Variants in CNTNAP2 observed in about 807,000 individuals in gnomAD.
The protein encoded by CNTNAP2 is contactin-associated protein-like 2.
CNTNAP2 carries 98 observed loss-of-function variants against 155.2 expected under a neutral mutation model. The ratio of observed to expected loss-of-function variants is 0.63; its 90% CI spans 0.54 to 0.75. The LOEUF is 0.75. CNTNAP2 is among the 30% of genes least tolerant of loss of function. The probability of loss-of-function intolerance (pLI) is 0.00; values close to 1 mark genes in which losing one functional copy is unlikely to be tolerated. For synonymous variants in CNTNAP2, 651 were observed against 631.2 expected (o/e 1.03, Z -0.47); for missense variants, 1,727 against 1,688.1 (o/e 1.02, Z -0.40).
At chr7:146,819,740 T>G (rs1205241729) in intron 2 of CNTNAP2, among the ~76,000 whole-genome samples, 1 of 152,060 alleles carries the variant, frequency 6.6e-6, no homozygotes, top group Non-Finnish European at 1.5e-5. Flanking sequence ...TCTCTAATCG[T>G]TTTTTTCCGT....
intron 13 of CNTNAP2, among the ~76,000 whole-genome samples, chr7:147,659,329 T>G (rs1292573292): frequency 1.3e-5 from 2 of 152,242 alleles, no homozygotes; most frequent in African/African-American, 2.4e-5. Context: ...TTGGTAGCTT[T>G]TATAGATATT....
At chr7:146,423,706 T>A (rs1796046778) in intron 1 of CNTNAP2, among the ~76,000 whole-genome samples, 1 of 152,242 alleles carries the variant, frequency 6.6e-6, no homozygotes, top group African/African-American at 2.4e-5. Flanking sequence ...CTTCTAGGCA[T>A]GGTATTCCTT....
intron 6 of CNTNAP2, among the ~76,000 whole-genome samples, chr7:147,127,270 T>A (rs1401776642): frequency 6.6e-6 from 1 of 152,146 alleles, no homozygotes; most frequent in East Asian, 1.9e-4. Context: ...TTGGGATATA[T>A]TTTTCCTCAA....
chr7:146,375,734 T>C (rs1282840854), intron 1 of CNTNAP2, among the ~76,000 whole-genome samples: 1 of 152,322 alleles, frequency 6.6e-6, no homozygotes, highest in East Asian at 1.9e-4. Context: ...TATTTAAACA[T>C]ACTTGATTTT....
At chr7:147,544,870 T>G (rs906652226) in intron 11 of CNTNAP2, among the ~76,000 whole-genome samples, 1 of 152,106 alleles carries the variant, frequency 6.6e-6, no homozygotes, top group African/African-American at 2.4e-5. Flanking sequence ...CCATGTAAGA[T>G]GTCTCTTTGC....
intron 11 of CNTNAP2, among the ~76,000 whole-genome samples, chr7:147,518,574 A>T (rs1433087634): frequency 2.6e-5 from 4 of 152,184 alleles, no homozygotes; most frequent in African/African-American, 9.7e-5. Flanking sequence ...CTTCCGGTGG[A>T]CAGAGTTGGA....
chr7:146,649,075 T>G (rs548453340), intron 1 of CNTNAP2, among the ~76,000 whole-genome samples: 1 of 152,238 alleles, frequency 6.6e-6, no homozygotes, highest in Non-Finnish European at 1.5e-5. Context: ...AGTGGATTTC[T>G]TAAGGAAACA....
chr7:147,855,615 G>A (rs896543844), intron 13 of CNTNAP2, among the ~76,000 whole-genome samples: 17 of 151,286 alleles, frequency 1.1e-4, no homozygotes, highest in African/African-American at 2.2e-4. Flanking sequence ...GGTAAAACCC[G>A]GTCTCTACTA....
intron 18 of CNTNAP2, among the ~76,000 whole-genome samples, chr7:148,213,222 G>C (rs991879104): frequency 6.6e-5 from 10 of 152,128 alleles, no homozygotes; most frequent in African/African-American, 2.4e-4. Flanking sequence ...CAGAACCCCT[G>C]AGCTAAATTC....
chr7:146,686,372 C>G (rs561460989), intron 1 of CNTNAP2, among the ~76,000 whole-genome samples: 1 of 152,100 alleles, frequency 6.6e-6, no homozygotes, highest in Admixed American at 6.5e-5. Context: ...GTATGTGTTG[C>G]GTGTGCAGAA....
At chr7:146,283,749 G>C (rs1405695671) in intron 1 of CNTNAP2, among the ~76,000 whole-genome samples, 5 of 152,116 alleles carry the variant, frequency 3.3e-5, no homozygotes, top group African/African-American at 4.8e-5. Flanking sequence ...TATATGGATA[G>C]ACACTGGTGT....
At chr7:147,606,422 T>A (rs749427999) in intron 12 of CNTNAP2, among the ~76,000 whole-genome samples, 6 of 152,232 alleles carry the variant, frequency 3.9e-5, no homozygotes, top group Non-Finnish European at 8.8e-5. Context: ...AAATCAGAGA[T>A]TTGCTAGCTT....
chr7:147,433,931 C>T (rs1051951295), intron 10 of CNTNAP2, among the ~76,000 whole-genome samples: 1 of 152,124 alleles, frequency 6.6e-6, no homozygotes, highest in Non-Finnish European at 1.5e-5. Context: ...AATAGCAGTG[C>T]TTTGTTGTCC....
At chr7:147,413,932 A>T (rs1308855546) in intron 10 of CNTNAP2, among the ~76,000 whole-genome samples, 1 of 152,226 alleles carries the variant, frequency 6.6e-6, no homozygotes, top group Non-Finnish European at 1.5e-5. Flanking sequence ...GGGAAAATAA[A>T]GTAATGGGGA....
intron 13 of CNTNAP2, among the ~76,000 whole-genome samples, chr7:147,686,696 G>C (rs1638048): frequency 0.16 from 23,772 of 151,852 alleles, 3,086 homozygotes; most frequent in African/African-American, 0.36. Context: ...GAAGAGTTTA[G>C]GCTGTCCTGG....
intron 10 of CNTNAP2, among the ~76,000 whole-genome samples, chr7:147,480,699 C>T (rs1293478095): frequency 6.6e-6 from 1 of 152,204 alleles, no homozygotes; most frequent in Admixed American, 6.5e-5. Context: ...TGGCTGCAGG[C>T]TGTCTTCTCT....
intron 21 of CNTNAP2, among the ~76,000 whole-genome samples, chr7:148,335,858 C>CG (rs2116571058): frequency 9.1e-6 from 1 of 110,266 alleles, no homozygotes; most frequent in South Asian, 2.6e-4. Flanking sequence ...AAATATTGTA[C>CG]GTTTTTTTTC....
chr7:147,996,246 G>T (rs1032806073), intron 15 of CNTNAP2, among the ~76,000 whole-genome samples: 1 of 152,144 alleles, frequency 6.6e-6, no homozygotes, highest in African/African-American at 2.4e-5. Context: ...ATATGTACTG[G>T]CAAACCATAT....
At chr7:147,001,952 T>C (rs1798432425) in intron 3 of CNTNAP2, among the ~76,000 whole-genome samples, 1 of 151,780 alleles carries the variant, frequency 6.6e-6, no homozygotes, top group Admixed American at 6.6e-5. Flanking sequence ...AAATAAGACA[T>C]GGTAAATTAA....
Sources: gnomAD v4.1 joint callset for allele counts (sites outside exome capture counted in the v4.1 genomes callset) on GRCh38, gnomAD v4.1.1 for gene constraint, MANE v1.5 for transcripts, NCBI Gene and HGNC (gene_info 2026-07-23, HGNC 2026-07-21) for gene names.